FYTTD1: variants seen among roughly 807,000 people sequenced by gnomAD.
The protein encoded by FYTTD1 is UAP56-interacting factor.
A neutral mutation model predicts 40.9 loss-of-function variants in FYTTD1; 22 were observed. The ratio of observed to expected loss-of-function variants is 0.54; its 90% confidence interval spans 0.38 to 0.77. FYTTD1 has a LOEUF of 0.77. FYTTD1 is among the 30% of genes least tolerant of loss of function. The probability of loss-of-function intolerance (pLI) is 0.00; values close to 1 mark genes in which losing one functional copy is unlikely to be tolerated. For missense variants in FYTTD1, 351 were observed against 392.2 expected (o/e 0.90, Z 0.89); for synonymous variants, 140 against 137.9 (o/e 1.01, Z -0.10).
chr3:197,786,755 G>GA lies in FYTTD1; in HGVS notation c.*4848dup, dbSNP rs1467318090. On this transcript the variant is annotated 3_prime_UTR_variant, in exon 9 of 9. Coordinates refer to ENST00000241502, the MANE Select transcript of FYTTD1 (RefSeq NM_032288.7). Reference sequence around the variant, plus strand: ...AATTAAATGTATTCAGCAAGGAAGAGAATGGGATTCATACTGCTTGGAGTT... The same window carrying GA: ...AATTAAATGTATTCAGCAAGGAAGAGAAATGGGATTCATACTGCTTGGAGTT... 3.3e-5 allele frequency: 5 copies of GA among 152,288 alleles called. No homozygotes were observed. Among genetic ancestry groups the GA allele is most frequent in the Non-Finnish European group, 5.9e-5 (4 of 68,034 alleles). The allele number at this position is 152,288 out of a possible 1,614,324, so 9.4% of individuals were successfully genotyped here.
chr3:197,771,191 C>G (rs1383757785), intron 4 of FYTTD1, among the ~76,000 whole-genome samples: 1 of 152,096 alleles, frequency 6.6e-6, no homozygotes, highest in Non-Finnish European at 1.5e-5. Flanking sequence ...ACCCCCATCT[C>G]TGAAAAAGAA....
intron 2 of FYTTD1, among the ~76,000 whole-genome samples, chr3:197,761,942 C>A (rs1729400243): frequency 6.6e-6 from 1 of 152,180 alleles, no homozygotes; most frequent in Non-Finnish European, 1.5e-5. Context: ...GTCAGGATGT[C>A]AGCAAGGTCA....
At chr3:197,760,194 T>C (rs183869017) in intron 2 of FYTTD1, among the ~76,000 whole-genome samples, 68 of 148,100 alleles carry the variant, frequency 4.6e-4, no homozygotes, top group Admixed American at 9.4e-4. Context: ...GTAGAACATA[T>C]CGAGTTGTTC....
At chr3:197,778,268 T>C (rs1253460075) in intron 7 of FYTTD1, 70 bp from the exon 8 acceptor site, 9 of 1,262,114 alleles carry the variant, frequency 7.1e-6, no homozygotes, top group Non-Finnish European at 9.9e-6. Context: ...CAAGATGTCT[T>C]AAGTACCAAG....
At chr3:197,773,521 G>T in intron 5 of FYTTD1, 22 bp downstream of exon 5, 1 of 962,816 alleles carries the variant, frequency 1.0e-6, no homozygotes, top group Non-Finnish European at 1.5e-6. Context: ...CTTTGGCAGT[G>T]TTTTTGTTTG....
At chr3:197,751,370 G>A (rs1052085286) in intron 1 of FYTTD1, among the ~76,000 whole-genome samples, 1 of 152,240 alleles carries the variant, frequency 6.6e-6, no homozygotes, top group South Asian at 2.1e-4. Context: ...GCTGGGCGCG[G>A]TGGCTCACGC....
chr3:197,769,772 TATGGCTCTC>T (rs1729661224), intron 3 of FYTTD1, among the ~76,000 whole-genome samples: 1 of 152,178 alleles, frequency 6.6e-6, no homozygotes, highest in African/African-American at 2.4e-5. Context: ...GATTTATATC[TATGGCTCTC>T]TGATTCTTCT....
At chr3:197,768,299 A>G in intron 2 of FYTTD1, 140 bp from the exon 3 acceptor site, 2 of 585,148 alleles carry the variant, frequency 3.4e-6, no homozygotes, top group Non-Finnish European at 5.5e-6. Flanking sequence ...AAAATGAAGT[A>G]TTTTATGTAA....
Position 197,757,981 on chromosome 3 carries a change from G to A in FYTTD1, c.235+1424G>A, listed in dbSNP as rs995435278. 9.2e-5 allele frequency among the ~76,000 whole-genome samples: 14 copies of A among 152,354 alleles called. No homozygotes were observed. In the East Asian group the frequency reaches 9.6e-4, roughly 10 times the overall value. On this transcript the variant is annotated intron_variant, in intron 2 of 8. Coordinates refer to ENST00000241502, the MANE Select transcript of FYTTD1 (RefSeq NM_032288.7). ...TGCAAAGGCACGATCTTGGCTCACT[G>A]CAGCCTCTGCCTCCCGGGTTCAAGC... is the stretch of plus-strand genomic sequence containing the variant.
intron 1 of FYTTD1, among the ~76,000 whole-genome samples, chr3:197,754,857 A>T (rs1729166339): frequency 6.6e-6 from 1 of 151,792 alleles, no homozygotes; most frequent in African/African-American, 2.4e-5. Context: ...TGTGGAGATG[A>T]GGTTTTGCTG....
intron 2 of FYTTD1, among the ~76,000 whole-genome samples, chr3:197,760,480 AGTTCTTCAGGGGTAGAATGTATAGAGTT>A (rs1378699588): frequency 4.7e-4 from 69 of 146,520 alleles, no homozygotes; most frequent in African/African-American, 1.6e-3. Flanking sequence ...GAATGTATAG[AGTTCTTCAGGGGTAGAATGTATAGAGTT>A]GTTCTTCAGG....
chr3:197,783,513 C>T lies in FYTTD1; in HGVS notation c.*1604C>T, dbSNP rs1257934616. The T allele has an allele frequency of 1.3e-5, 2 of 152,562 alleles. No homozygotes were observed. The highest frequency in any genetic ancestry group is 1.3e-4 in the Admixed American group (2 of 15,268). The allele number at this position is 152,562 out of a possible 1,614,324, so 9.5% of individuals were successfully genotyped here. ...TCTGATCTTTAATATCTGATATTTT[C>T]CTGGTACTCGTACTGATAAGGGATT... is the stretch of plus-strand genomic sequence containing the variant. On this transcript the variant is annotated 3_prime_UTR_variant, in exon 9 of 9. Transcript: ENST00000241502.
At chr3:197,773,938 C>A (rs186946010) in intron 5 of FYTTD1, among the ~76,000 whole-genome samples, 1 of 149,846 alleles carries the variant, frequency 6.7e-6, no homozygotes, top group Non-Finnish European at 1.5e-5. Context: ...CGCACACGCC[C>A]CACTGGGTTA....
intron 6 of FYTTD1, among the ~76,000 whole-genome samples, chr3:197,775,988 A>G (rs1729863193): frequency 1.3e-5 from 2 of 152,202 alleles, no homozygotes; most frequent in Non-Finnish European, 2.9e-5. Context: ...TGAGAGGTAC[A>G]AACAAAGGAG....
intron 2 of FYTTD1, among the ~76,000 whole-genome samples, chr3:197,759,979 A>AGTTCTTCAGTGGTAGAACATACGGAGTT: frequency 6.8e-6 from 1 of 146,218 alleles, no homozygotes; most frequent in Admixed American, 6.8e-5. Context: ...GAATGTATGG[A>AGTTCTTCAGTGGTAGAACATACGGAGTT]GTTCTTCAGT....
chr3:197,769,545 ATG>A (rs2109047671), intron 3 of FYTTD1, among the ~76,000 whole-genome samples: 2 of 152,370 alleles, frequency 1.3e-5, no homozygotes, highest in South Asian at 4.1e-4. Context: ...TTAGGCTTTA[ATG>A]ATGGATTTAA....
At chr3:197,779,699 G>T (rs1401453658) in intron 8 of FYTTD1, among the ~76,000 whole-genome samples, 1 of 150,934 alleles carries the variant, frequency 6.6e-6, no homozygotes, top group Non-Finnish European at 1.5e-5. Flanking sequence ...CACACCCAGG[G>T]ATTCAGGCAC....
intron 2 of FYTTD1, among the ~76,000 whole-genome samples, chr3:197,759,482 A>T (rs1206396857): frequency 3.4e-5 from 5 of 147,526 alleles, no homozygotes; most frequent in African/African-American, 1.3e-4. Context: ...GAATGTGTGG[A>T]GTTGTTCCTC....
chr3:197,781,834 G>T lies in FYTTD1; in HGVS notation c.882G>T (p.Arg294=). ...AGACAGGGATGACGTTGAATGAGCG[G>T]TTTGGGATCCTGAAGGAACAAAGAG... ...GKQTGMTLNE[R]FGILKEQRAT... is the part of the protein sequence containing the mutation. Residue 294 remains arginine (R), a synonymous_variant, in exon 9 of 9, where the codon CGG becomes CGT. Coordinates refer to ENST00000241502, the MANE Select transcript of FYTTD1 (RefSeq NM_032288.7). 1 of 1,609,580 alleles carries T rather than the reference G, an allele frequency of 6.2e-7. No homozygotes were observed. Among genetic ancestry groups the T allele is most frequent in the Non-Finnish European group, 8.5e-7 (1 of 1,177,156 alleles).
Sources: gnomAD v4.1 joint callset for allele counts (sites outside exome capture counted in the v4.1 genomes callset) on GRCh38, gnomAD v4.1.1 for gene constraint, MANE v1.5 for transcripts, NCBI Gene and HGNC (gene_info 2026-07-23, HGNC 2026-07-21) for gene names.